The following BMP2K variants were observed in gnomAD, a reference collection of about 807,000 sequenced individuals.
The protein encoded by BMP2K is BMP-2-inducible protein kinase.
Under a neutral mutation model 116.0 loss-of-function variants are expected in BMP2K, and 74 were observed. That is an observed-to-expected ratio of 0.64 (90% CI 0.53 to 0.77). The LOEUF is 0.77. BMP2K is among the 30% of genes least tolerant of loss of function. The pLI, the probability that BMP2K is intolerant of heterozygous loss-of-function variation, is 0.00. For synonymous variants in BMP2K, 486 were observed against 502.5 expected (o/e 0.97, Z 0.44); for missense variants, 1,365 against 1,403.6 (o/e 0.97, Z 0.44).
At chr4:78,863,484 A>C (rs1377206653) in intron 9 of BMP2K, among the ~76,000 whole-genome samples, 1 of 152,086 alleles carries the variant, frequency 6.6e-6, no homozygotes. Flanking sequence ...AAGATGTGAA[A>C]TTTATCTGAC....
In BMP2K at chr4:78,911,701, G is replaced by T; in HGVS notation, c.3154G>T (p.Gly1052Trp). 6.2e-7 allele frequency: 1 copy of T among 1,613,890 alleles called. No individual in the cohort carries two copies. The highest frequency in any genetic ancestry group is 8.5e-7 in the Non-Finnish European group (1 of 1,179,882). Residue 1052 changes from glycine to tryptophan, a missense_variant, in exon 16 of 16, where the codon GGG becomes TGG. Coordinates refer to ENST00000502613, the MANE Select transcript of BMP2K (RefSeq NM_198892.2). ...GAACATTAGTGTTGCACTGACTGATGGGAAAGATAGGGGGAATGTCTTACA... is the reference window on the plus strand; with the variant it reads ...GAACATTAGTGTTGCACTGACTGATTGGAAAGATAGGGGGAATGTCTTACA... ...KENISVALTD[G>W]KDRGNVLQPE...
intron 11 of BMP2K, among the ~76,000 whole-genome samples, chr4:78,871,604 A>G (rs933762749): frequency 6.6e-6 from 1 of 152,210 alleles, no homozygotes; most frequent in East Asian, 1.9e-4. Context: ...GTGTTTTGGT[A>G]GCTTTCTTCT....
chr4:78,873,331 G>A (rs181332538), intron 13 of BMP2K, among the ~76,000 whole-genome samples: 2 of 152,246 alleles, frequency 1.3e-5, no homozygotes, highest in South Asian at 2.1e-4. Context: ...GGTTAGTAGC[G>A]TTATAAATTA....
chr4:78,807,595 TCTTTA>T (rs1199166592), intron 1 of BMP2K, among the ~76,000 whole-genome samples: 3 of 152,010 alleles, frequency 2.0e-5, no homozygotes, highest in Non-Finnish European at 4.4e-5. Context: ...TAACTCAATC[TCTTTA>T]CTTGTTATAG....
intron 10 of BMP2K, among the ~76,000 whole-genome samples, chr4:78,870,263 A>G (rs184043677): frequency 2.6e-3 from 403 of 152,326 alleles, no homozygotes; most frequent in Non-Finnish European, 4.8e-3. Context: ...GTAAGTCATC[A>G]TCTCTTCCCT....
intron 10 of BMP2K, among the ~76,000 whole-genome samples, chr4:78,868,347 C>T (rs1298402549): frequency 1.3e-5 from 2 of 152,056 alleles, no homozygotes; most frequent in Non-Finnish European, 2.9e-5. Context: ...AAGACGCCCC[C>T]GTGATTCAGT....
At chr4:78,887,332 G>C in intron 15 of BMP2K, 48 bp downstream of exon 15, 1 of 1,319,952 alleles carries the variant, frequency 7.6e-7, no homozygotes, top group Non-Finnish European at 1.1e-6. Flanking sequence ...AAACACACAA[G>C]AACAACAGCA....
chr4:78,820,581 T>G (rs1344629587), intron 1 of BMP2K, among the ~76,000 whole-genome samples: 1 of 152,178 alleles, frequency 6.6e-6, no homozygotes, highest in African/African-American at 2.4e-5. Context: ...GTGGACTGTT[T>G]TTTTTCTGAG....
chr4:78,829,512 T>G (rs1168148759), intron 2 of BMP2K, among the ~76,000 whole-genome samples: 1 of 152,110 alleles, frequency 6.6e-6, no homozygotes, highest in Non-Finnish European at 1.5e-5. Context: ...TCCAAACTCT[T>G]GTTAATGTTA....
chr4:78,871,719 A>G (rs1168151691), intron 11 of BMP2K, 131 bp from the exon 12 acceptor site: 2 of 516,144 alleles, frequency 3.9e-6, no homozygotes, highest in African/African-American at 4.0e-5. Context: ...ATAGTAATTT[A>G]GAGTATAGCT....
intron 8 of BMP2K, among the ~76,000 whole-genome samples, chr4:78,860,508 G>A (rs1731720142): frequency 6.6e-6 from 1 of 151,830 alleles, no homozygotes; most frequent in South Asian, 2.1e-4. Context: ...CTAGTCCATG[G>A]AAGGTGCTCA....
intron 2 of BMP2K, among the ~76,000 whole-genome samples, chr4:78,833,192 C>A (rs1730290036): frequency 6.6e-6 from 1 of 151,966 alleles, no homozygotes; most frequent in Non-Finnish European, 1.5e-5. Flanking sequence ...CAATATGTTG[C>A]AGGCAAAATA....
intron 15 of BMP2K, among the ~76,000 whole-genome samples, chr4:78,899,511 A>G (rs1278730340): frequency 6.6e-6 from 1 of 152,194 alleles, no homozygotes; most frequent in Non-Finnish European, 1.5e-5. Flanking sequence ...AGTTCATGCC[A>G]GTTAGAAGAG....
chr4:78,810,421 T>A (rs1244220293), intron 1 of BMP2K, among the ~76,000 whole-genome samples: 1 of 152,198 alleles, frequency 6.6e-6, no homozygotes, highest in African/African-American at 2.4e-5. Flanking sequence ...GACTTAAGTT[T>A]TTTGGTCGAC....
At chr4:78,836,444 A>G (rs1171690177) in intron 3 of BMP2K, among the ~76,000 whole-genome samples, 2 of 151,946 alleles carry the variant, frequency 1.3e-5, no homozygotes, top group Admixed American at 6.6e-5. Flanking sequence ...AAAAATAATT[A>G]TGCAGTATGT....
intron 3 of BMP2K, among the ~76,000 whole-genome samples, chr4:78,836,691 T>C (rs1045624039): frequency 1.3e-5 from 2 of 152,214 alleles, no homozygotes; most frequent in African/African-American, 4.8e-5. Context: ...TGGAGAAGGA[T>C]TTTTGAAACC....
chr4:78,819,178 T>G (rs1215196525), intron 1 of BMP2K, among the ~76,000 whole-genome samples: 2 of 152,008 alleles, frequency 1.3e-5, no homozygotes, highest in African/African-American at 4.8e-5. Flanking sequence ...AAGCAAGGCT[T>G]TTGGGGTCAG....
chr4:78,869,135 C>G (rs114387377), intron 10 of BMP2K, among the ~76,000 whole-genome samples: 1,604 of 152,284 alleles, frequency 0.011, 24 homozygotes, highest in African/African-American at 0.037. Context: ...CCAGGCATTT[C>G]CATGTATCTT....
At chr4:78,845,717 A>G (rs1229938835) in intron 5 of BMP2K, among the ~76,000 whole-genome samples, 1 of 151,728 alleles carries the variant, frequency 6.6e-6, no homozygotes, top group East Asian at 1.9e-4. Flanking sequence ...AAGATCTCTC[A>G]GAATAGGACT....
Sources: gnomAD v4.1 joint callset for allele counts (sites outside exome capture counted in the v4.1 genomes callset) on GRCh38, gnomAD v4.1.1 for gene constraint, MANE v1.5 for transcripts, NCBI Gene and HGNC (gene_info 2026-07-23, HGNC 2026-07-21) for gene names.